Variants in MAP2K2 observed in about 807,000 individuals in gnomAD.
MAP2K2 encodes dual specificity mitogen-activated protein kinase kinase 2.
Under a neutral mutation model 43.7 loss-of-function variants are expected in MAP2K2, and 24 were observed. That is an observed-to-expected ratio of 0.55 (90% CI 0.40 to 0.77). The LOEUF is 0.77. MAP2K2 is among the 30% of genes least tolerant of loss of function. The pLI, the probability that MAP2K2 is intolerant of heterozygous loss-of-function variation, is 0.00. For missense variants in MAP2K2, 470 were observed against 566.8 expected, an observed-to-expected ratio of 0.83 and a Z score of 1.73; for synonymous variants, 244 against 239.7, an observed-to-expected ratio of 1.02 and a Z score of -0.17.
intron 10 of MAP2K2, among the ~76,000 whole-genome samples, chr19:4,091,649 G>A (rs2040856235): frequency 6.7e-6 from 1 of 149,436 alleles, no homozygotes. Flanking sequence ...CACCGCAACT[G>A]GCCTTAATTT....
At chr19:4,123,559 TGCCCCGTCCTCCCCCG>T (rs2041328490) in intron 1 of MAP2K2, among the ~76,000 whole-genome samples, 1 of 11,144 alleles carries the variant, frequency 9.0e-5, no homozygotes, top group Non-Finnish European at 2.3e-4. Context: ...GAGGGCCCCC[TGCCCCGTCCTCCCCCG>T]AGGGCCCCCT....
At chr19:4,091,793 T>C (rs893180384) in intron 10 of MAP2K2, among the ~76,000 whole-genome samples, 3 of 152,096 alleles carry the variant, frequency 2.0e-5, no homozygotes, top group Non-Finnish European at 4.4e-5. Context: ...GGATTACAGG[T>C]GCGTGCTACC....
In MAP2K2 at chr19:4,110,578, C is replaced by T. The variant is rs751309637; in HGVS notation, c.381G>A (p.Ser127=). 44 of 1,613,896 alleles carry T rather than the reference C, an allele frequency of 2.7e-5. No homozygotes were observed. Among genetic ancestry groups the T allele is most frequent in the East Asian group, 6.7e-5 (3 of 44,894 alleles). ...RELQVLHECN[S]PYIVGFYGAF... is the part of the protein sequence containing the mutation. ...CCCCGTAGAAGCCCACGATGTACGG[C>T]GAGTTGCATTCGTGCAGGACCTGCA... The change falls in exon 3 of 11, where the codon TCG becomes TCA. Residue 127 remains serine (S), a synonymous_variant. Transcript: ENST00000262948.
At chr19:4,120,339 A>G (rs1234050340) in intron 1 of MAP2K2, among the ~76,000 whole-genome samples, 2 of 152,188 alleles carry the variant, frequency 1.3e-5, no homozygotes, top group Non-Finnish European at 2.9e-5. Flanking sequence ...TTTTTGAGAC[A>G]GTCTTGCTCT....
intron 7 of MAP2K2, among the ~76,000 whole-genome samples, chr19:4,097,594 G>A (rs1245550753): frequency 6.6e-6 from 1 of 152,162 alleles, no homozygotes; most frequent in Non-Finnish European, 1.5e-5. Flanking sequence ...AACATTTTTT[G>A]AGAAGTCACA....
At chr19:4,090,745 G>C (rs1030572052) in intron 10 of MAP2K2, 37 bp from the exon 11 acceptor site, 17 of 1,419,044 alleles carry the variant, frequency 1.2e-5, no homozygotes, top group Non-Finnish European at 1.7e-5. Flanking sequence ...CCCGGGCCTG[G>C]AGTCACAGTA....
At chr19:4,102,351 C>T (rs1209370394) in intron 4 of MAP2K2, 25 bp downstream of exon 4, 12 of 1,567,808 alleles carry the variant, frequency 7.7e-6, no homozygotes, top group East Asian at 2.3e-5. Context: ...GGTGGGGGCG[C>T]GATGTGGGTC....
chr19:4,096,970 G>A (rs900810607), intron 8 of MAP2K2, among the ~76,000 whole-genome samples: 4 of 151,586 alleles, frequency 2.6e-5, no homozygotes, highest in Non-Finnish European at 5.9e-5. Flanking sequence ...AACCTGGGAG[G>A]CGGAGGTTGC....
At chr19:4,103,147 G>A (rs559786305) in intron 3 of MAP2K2, 57 of 992,908 alleles carry the variant, frequency 5.7e-5, no homozygotes, top group East Asian at 2.2e-4. Flanking sequence ...CCCAGGTGAC[G>A]GTAACCTCGG....
At chr19:4,105,268 T>C (rs1198221546) in intron 3 of MAP2K2, among the ~76,000 whole-genome samples, 1 of 151,496 alleles carries the variant, frequency 6.6e-6, no homozygotes, top group Non-Finnish European at 1.5e-5. Flanking sequence ...ACATTTTTCT[T>C]TCTTTTTTTT....
At chr19:4,103,292 C>G (rs2041040959) in intron 3 of MAP2K2, 6 of 979,852 alleles carry the variant, frequency 6.1e-6, no homozygotes, top group Non-Finnish European at 7.3e-6. Flanking sequence ...AACAGAAATT[C>G]CATGTCTTGC....
intron 3 of MAP2K2, among the ~76,000 whole-genome samples, chr19:4,105,306 T>C (rs2041072324): frequency 6.6e-6 from 1 of 151,884 alleles, no homozygotes; most frequent in Admixed American, 6.6e-5. Flanking sequence ...TCTCGCTCTG[T>C]TGCCCAGGCG....
intron 3 of MAP2K2, among the ~76,000 whole-genome samples, chr19:4,108,924 C>T (rs930485380): frequency 1.3e-5 from 2 of 152,186 alleles, no homozygotes; most frequent in Admixed American, 6.5e-5. Flanking sequence ...CCTTTCCTCG[C>T]CCTTTGATGC....
intron 1 of MAP2K2, among the ~76,000 whole-genome samples, chr19:4,118,054 C>T (rs1184211081): frequency 6.6e-6 from 1 of 152,128 alleles, no homozygotes; most frequent in Non-Finnish European, 1.5e-5. Flanking sequence ...TCTCCTGCCT[C>T]AGCCTCCCAA....
intron 2 of MAP2K2, among the ~76,000 whole-genome samples, chr19:4,116,146 T>C (rs1322091090): frequency 6.6e-6 from 1 of 152,156 alleles, no homozygotes; most frequent in Non-Finnish European, 1.5e-5. Context: ...GTTTTTAAGA[T>C]GTGATTAACC....
At chr19:4,098,430 C>T (rs2040952177) in intron 7 of MAP2K2, among the ~76,000 whole-genome samples, 9 of 152,156 alleles carry the variant, frequency 5.9e-5, no homozygotes, top group Admixed American at 5.9e-4. Context: ...AGTTCGGAAA[C>T]ATGGTTTTAA....
intron 10 of MAP2K2, 92 bp downstream of exon 10, chr19:4,094,361 C>G: frequency 1.4e-6 from 2 of 1,400,244 alleles, no homozygotes; most frequent in Non-Finnish European, 2.0e-6. Context: ...GTGCTGGCTC[C>G]CCGGGCAGGG....
In MAP2K2 at chr19:4,095,293, G is replaced by T. The variant is rs1379336279; in HGVS notation, c.1046+95C>A. On this transcript the variant is annotated intron_variant, in intron 9 of 10. Coordinates refer to ENST00000262948, the MANE Select transcript of MAP2K2 (RefSeq NM_030662.4). ...TGCCTAACGCTGCACTGGGATTCTG[G>T]ATGGGCAGGCTGGGCCACGGGCCCC... 4 of 1,105,934 alleles carry T rather than the reference G, an allele frequency of 3.6e-6. No homozygotes were observed. The East Asian group carries it at 7.8e-5, about 22-fold the overall frequency. The allele number at this position is 1,105,934 out of a possible 1,614,324, so 68.5% of individuals were successfully genotyped here. A position where few individuals can be genotyped will look rare whatever the true frequency, so the allele number is the denominator to read the frequency against.
At chr19:4,094,045 G>A (rs538643654) in intron 10 of MAP2K2, among the ~76,000 whole-genome samples, 4 of 152,256 alleles carry the variant, frequency 2.6e-5, no homozygotes, top group East Asian at 1.9e-4. Flanking sequence ...GCACGGCCTC[G>A]GGGGACCTGC....
Sources: gnomAD v4.1 joint callset for allele counts (sites outside exome capture counted in the v4.1 genomes callset) on GRCh38, gnomAD v4.1.1 for gene constraint, MANE v1.5 for transcripts, NCBI Gene and HGNC (gene_info 2026-07-23, HGNC 2026-07-21) for gene names.